The following SLC35F1 variants were observed in gnomAD, a reference collection of about 807,000 sequenced individuals.
SLC35F1 encodes chromosome 6 open reading frame 169.
In SLC35F1, 14 loss-of-function variants were observed where a neutral mutation model predicts 48.7. That is an observed-to-expected ratio of 0.29 (90% CI 0.19 to 0.45). The LOEUF (loss-of-function observed/expected upper bound fraction) is 0.45. SLC35F1 is among the 20% of genes least tolerant of loss of function. The pLI is 1.00. For synonymous variants in SLC35F1, 190 were observed against 202.2 expected, an observed-to-expected ratio of 0.94 and a Z score of 0.51; for missense variants, 404 against 500.0, an observed-to-expected ratio of 0.81 and a Z score of 1.83.
At chr6:118,094,425 A>G (rs1426646316) in intron 1 of SLC35F1, among the ~76,000 whole-genome samples, 2 of 152,202 alleles carry the variant, frequency 1.3e-5, no homozygotes, top group African/African-American at 4.8e-5. Flanking sequence ...CAGAGAAAGT[A>G]GTATTGAAAG....
intron 3 of SLC35F1, among the ~76,000 whole-genome samples, chr6:118,252,362 C>G (rs1342615911): frequency 6.6e-6 from 1 of 151,906 alleles, no homozygotes; most frequent in African/African-American, 2.4e-5. Flanking sequence ...TCTGAGCATT[C>G]ATAGAGGGGA....
In SLC35F1 at chr6:117,907,586, C is replaced by A; in HGVS notation, c.-141C>A. On this transcript the variant is annotated 5_prime_UTR_variant, in exon 1 of 8. Coordinates refer to ENST00000360388, the MANE Select transcript of SLC35F1 (RefSeq NM_001029858.4). The stretch of plus-strand genomic sequence containing the variant: ...GGCGGCCGTAGCCGCGGGTGCCTCC[C>A]CGCCTCACCGCTTCGCAGGCAGCAC... 2.2e-6 allele frequency: 1 copy of A among 445,622 alleles called. No individual in the cohort carries two copies. The highest frequency in any genetic ancestry group is 5.2e-5 in the South Asian group (1 of 19,048). 27.6% of individuals were successfully genotyped at this position (445,622 alleles called of 1,614,324 possible). A position where few individuals can be genotyped will look rare whatever the true frequency, so the allele number is the denominator to read the frequency against.
chr6:118,129,775 G>A (rs1773683159), intron 1 of SLC35F1, among the ~76,000 whole-genome samples: 1 of 152,042 alleles, frequency 6.6e-6, no homozygotes, highest in Non-Finnish European at 1.5e-5. Flanking sequence ...GACACCACAG[G>A]AACAACCTTT....
At chr6:117,989,751 T>C (rs141596101) in intron 1 of SLC35F1, among the ~76,000 whole-genome samples, 3 of 152,142 alleles carry the variant, frequency 2.0e-5, no homozygotes, top group Non-Finnish European at 4.4e-5. Context: ...AGTTTATAAG[T>C]AGAATAAAGT....
chr6:118,043,863 C>A (rs1047809433), intron 1 of SLC35F1, among the ~76,000 whole-genome samples: 8 of 152,204 alleles, frequency 5.3e-5, no homozygotes. Flanking sequence ...TTTCTCTCTG[C>A]CACCATTTTC....
At chr6:118,050,168 G>A (rs1772366516) in intron 1 of SLC35F1, among the ~76,000 whole-genome samples, 1 of 151,780 alleles carries the variant, frequency 6.6e-6, no homozygotes, top group Admixed American at 6.6e-5. Context: ...TGAACAATGA[G>A]AACACTTGGA....
chr6:118,134,056 T>C (rs933952050), intron 1 of SLC35F1, among the ~76,000 whole-genome samples: 1 of 152,222 alleles, frequency 6.6e-6, no homozygotes, highest in African/African-American at 2.4e-5. Context: ...TCCCTAGAAA[T>C]TGAAACACAA....
intron 2 of SLC35F1, among the ~76,000 whole-genome samples, chr6:118,214,241 C>A (rs1372197409): frequency 6.6e-6 from 1 of 152,058 alleles, no homozygotes; most frequent in Non-Finnish European, 1.5e-5. Context: ...TTTAAAAGTT[C>A]TTATTGGGAA....
intron 1 of SLC35F1, chr6:117,998,845 C>G (rs1777040857): frequency 1.2e-5 from 7 of 560,980 alleles, no homozygotes; most frequent in South Asian, 9.9e-5. Flanking sequence ...AATTGACACC[C>G]TAACATCACA....
chr6:118,218,067 G>A (rs1775098586), intron 2 of SLC35F1, among the ~76,000 whole-genome samples: 1 of 152,092 alleles, frequency 6.6e-6, no homozygotes. Flanking sequence ...CAAGTCTTGG[G>A]ATTTTGATTC....
intron 1 of SLC35F1, among the ~76,000 whole-genome samples, chr6:117,954,564 TTTCTTTTTAAAGAGTCACTGA>T (rs1411457524): frequency 6.6e-6 from 1 of 152,204 alleles, no homozygotes; most frequent in African/African-American, 2.4e-5. Context: ...TGGCTGTTTT[TTTCTTTTTAAAGAGTCACTGA>T]GATAATGCTA....
intron 1 of SLC35F1, among the ~76,000 whole-genome samples, chr6:117,961,123 C>G (rs1776491975): frequency 6.6e-6 from 1 of 152,072 alleles, no homozygotes; most frequent in East Asian, 1.9e-4. Context: ...TTAGGTCTAG[C>G]CCCTTTCTTT....
rs61142883 is a variant in SLC35F1 at position 118,239,639 on chromosome 6, G to T, written c.477+4003G>T. Among the ~76,000 whole-genome samples the T allele has an allele frequency of 9.4e-3, 1,437 of 152,084 alleles. 23 individuals carry two copies. The highest frequency in any genetic ancestry group is 0.033 in the African/African-American group (1,365 of 41,484). On this transcript the variant is annotated intron_variant, in intron 3 of 7. Coordinates refer to ENST00000360388, the MANE Select transcript of SLC35F1 (RefSeq NM_001029858.4). ...TAGCTGGTCCCCTGATCCTCAGGTA[G>T]TTAGTTCAAACCTATGTTCTATACC...
intron 3 of SLC35F1, among the ~76,000 whole-genome samples, chr6:118,248,385 A>G (rs977624088): frequency 2.0e-5 from 3 of 152,236 alleles, no homozygotes; most frequent in Non-Finnish European, 4.4e-5. Context: ...GGATGTTATT[A>G]AACTCATGAT....
intron 1 of SLC35F1, among the ~76,000 whole-genome samples, chr6:118,077,777 T>C (rs551956561): frequency 1.3e-5 from 2 of 152,178 alleles, no homozygotes; most frequent in Non-Finnish European, 2.9e-5. Flanking sequence ...AAAAATAAAT[T>C]AATTGCATTA....
intron 1 of SLC35F1, among the ~76,000 whole-genome samples, chr6:117,916,784 A>T (rs1243349520): frequency 2.0e-5 from 3 of 152,200 alleles, no homozygotes; most frequent in Non-Finnish European, 4.4e-5. Context: ...GGTCAGGGTT[A>T]CCTGGGGTCC....
intron 7 of SLC35F1, among the ~76,000 whole-genome samples, chr6:118,287,575 C>G (rs1248762384): frequency 6.6e-6 from 1 of 152,162 alleles, no homozygotes; most frequent in African/African-American, 2.4e-5. Flanking sequence ...GGCCACACCC[C>G]TAAGCCACAG....
intron 1 of SLC35F1, among the ~76,000 whole-genome samples, chr6:117,947,921 A>G (rs765526993): frequency 2.0e-5 from 3 of 152,142 alleles, no homozygotes; most frequent in Non-Finnish European, 4.4e-5. Context: ...AGTATAGATG[A>G]AGGAAGAAGA....
chr6:117,963,882 G>C (rs537362678), intron 1 of SLC35F1, among the ~76,000 whole-genome samples: 1 of 152,142 alleles, frequency 6.6e-6, no homozygotes, highest in Non-Finnish European at 1.5e-5. Context: ...AGGTAAACAT[G>C]CGCCATGGTG....
Sources: allele counts gnomAD v4.1 joint callset (sites outside exome capture counted in the v4.1 genomes callset), GRCh38; gene constraint gnomAD v4.1.1; transcripts MANE v1.5; gene names NCBI Gene and HGNC (gene_info 2026-07-23, HGNC 2026-07-21).